The following TBATA variants were observed in gnomAD, a reference collection of about 807,000 sequenced individuals.
TBATA encodes the protein thymus, brain and testes associated, also known as protein TBATA.
Under a neutral mutation model 38.7 loss-of-function variants are expected in TBATA, and 47 were observed. The ratio of observed to expected loss-of-function variants is 1.21; its 90% CI spans 0.96 to 1.55. The LOEUF is 1.55. TBATA is among the 40% of genes most tolerant of loss of function. TBATA has a pLI of 0.00. For synonymous variants in TBATA, 183 were observed against 170.5 expected (o/e 1.07, Z -0.57); for missense variants, 436 against 435.6 (o/e 1.00, Z -0.01).
chr10:70,783,333 CCT>C lies in TBATA; in HGVS notation c.41+4_41+5del. The stretch of plus-strand genomic sequence containing the variant: ...CAGTCAGCAGGGTGGGCATTTGGAG[CCT>C]CACCTCATCAGTGGATAATCAGCCA... On this transcript the variant is annotated splice_donor_5th_base_variant and intron_variant, in intron 3 of 10. Transcript: ENST00000456372. 6.2e-7 allele frequency: 1 copy of C among 1,614,184 alleles called. No individual in the cohort carries two copies. The highest frequency in any genetic ancestry group is 8.5e-7 in the Non-Finnish European group (1 of 1,179,992).
At chr10:70,772,224 T>G in intron 10 of TBATA, 4 of 609,446 alleles carry the variant, frequency 6.6e-6, no homozygotes, top group Non-Finnish European at 6.3e-6. Context: ...CTGTCTCCAC[T>G]CCTCCCCAGG....
intron 7 of TBATA, 86 bp from the exon 8 acceptor site, chr10:70,775,356 C>A (rs1843261760): frequency 8.2e-7 from 1 of 1,225,226 alleles, no homozygotes; most frequent in East Asian, 2.4e-5. Context: ...CCAAGGAGAC[C>A]CTTCCCCCAA....
chr10:70,772,665 G>T (rs1842908720), intron 9 of TBATA, 99 bp from the exon 10 acceptor site: 1 of 1,245,476 alleles, frequency 8.0e-7, no homozygotes, highest in Non-Finnish European at 1.2e-6. Flanking sequence ...TGGTGCAGGT[G>T]CAGTCAGCTG....
intron 9 of TBATA, among the ~76,000 whole-genome samples, chr10:70,773,464 G>GGCC (rs1437617055): frequency 4.2e-4 from 3 of 7,076 alleles, no homozygotes; most frequent in Admixed American, 3.6e-3. Flanking sequence ...TAAAAATACA[G>GGCC]GCCCCCCCGG....
intron 7 of TBATA, among the ~76,000 whole-genome samples, chr10:70,776,765 C>T (rs976835226): frequency 6.6e-6 from 1 of 152,188 alleles, no homozygotes; most frequent in Non-Finnish European, 1.5e-5. Flanking sequence ...AGGCCCCTCG[C>T]TGAGTGTGGA....
chr10:70,778,124 C>T (rs550338297), intron 6 of TBATA, among the ~76,000 whole-genome samples: 32 of 152,304 alleles, frequency 2.1e-4, no homozygotes, highest in African/African-American at 6.5e-4. Flanking sequence ...TTCCGAGATT[C>T]TCTGCTCCTT....
At chr10:70,778,664 A>G (rs1427203472) in intron 5 of TBATA, 28 bp from the exon 6 acceptor site, 2 of 1,609,514 alleles carry the variant, frequency 1.2e-6, no homozygotes, top group Non-Finnish European at 1.7e-6. Context: ...GGTCCTGCCA[A>G]CTGAAGTCAG....
intron 4 of TBATA, 79 bp from the exon 5 acceptor site, chr10:70,779,821 G>A: frequency 7.0e-7 from 1 of 1,420,474 alleles, no homozygotes; most frequent in East Asian, 2.8e-5. Flanking sequence ...GAGGCTGAGA[G>A]GCAGGGTGAT....
rs1843719706 is a variant in TBATA at position 70,778,550 on chromosome 10, C to T, written c.507+7G>A. 6.2e-7 allele frequency: 1 copy of T among 1,613,870 alleles called. No individual in the cohort carries two copies. Among genetic ancestry groups the T allele is most frequent in the East Asian group, 2.2e-5 (1 of 44,876 alleles). ...TTCCCAGACTAGCTCCTGTGTTCCG[C>T]ACCCACCTCTTTCTTCTTCAGTTCA... On this transcript the variant is annotated splice_region_variant and intron_variant, in intron 6 of 10. Coordinates refer to ENST00000456372, the MANE Select transcript of TBATA (RefSeq NM_001318241.2).
intron 3 of TBATA, 129 bp from the exon 4 acceptor site, chr10:70,782,165 A>G (rs1052323800): frequency 8.0e-6 from 10 of 1,246,904 alleles, no homozygotes; most frequent in Non-Finnish European, 1.1e-5. Context: ...CCTGGGTTTC[A>G]CCACCACCCC....
chr10:70,773,950 C>G (rs926948186), intron 9 of TBATA, among the ~76,000 whole-genome samples: 2 of 152,252 alleles, frequency 1.3e-5, no homozygotes, highest in African/African-American at 4.8e-5. Context: ...GCTAATCCAG[C>G]CTTATCTGGT....
chr10:70,778,078 G>A (rs1843655989), intron 6 of TBATA, among the ~76,000 whole-genome samples: 1 of 152,118 alleles, frequency 6.6e-6, no homozygotes, highest in Non-Finnish European at 1.5e-5. Flanking sequence ...TCATCAAATG[G>A]CACCCATGGG....
chr10:70,781,815 A>G lies in TBATA; in HGVS notation c.263T>C (p.Val88Ala). The G allele has an allele frequency of 6.2e-7, 1 of 1,613,978 alleles. No individual in the cohort carries two copies. Among genetic ancestry groups the G allele is most frequent in the Non-Finnish European group, 8.5e-7 (1 of 1,179,852 alleles). ...FSRHHPHPQH[V>A]THIQDLTGKP... ...CCAGGCCCTACCTTGGATGTGGGTC[A>G]CGTGCTGGGGGTGTGGGTGGTGCCG... is the stretch of plus-strand genomic sequence containing the variant. Residue 88 changes from valine to alanine, a missense_variant, in exon 4 of 11, where the codon GTG (valine) becomes GCG (alanine). Transcript: ENST00000456372.
In TBATA at chr10:70,782,717, C is replaced by T. The variant is rs574682174; in HGVS notation, c.41+622G>A. The T allele has an allele frequency of 2.8e-5, 25 of 893,526 alleles. No individual in the cohort carries two copies. In the African/African-American group the frequency reaches 4.3e-4, roughly 15 times the overall value. 55.3% of individuals were successfully genotyped at this position (893,526 alleles called of 1,614,324 possible). On this transcript the variant is annotated intron_variant, in intron 3 of 10. Coordinates refer to ENST00000456372, the MANE Select transcript of TBATA (RefSeq NM_001318241.2). ...CTCTCTCCTCTACCCCACACCCCTCCCCTTCCTGAGGACGCTATGCATCTG... is the reference window on the plus strand; with the variant it reads ...CTCTCTCCTCTACCCCACACCCCTCTCCTTCCTGAGGACGCTATGCATCTG...
Position 70,774,311 on chromosome 10 carries a change from G to T in TBATA, c.822C>A (p.Leu274=). ...GGATGGAGACTAGGGGCTGGGGAAG[G>T]AGCTGAGCCACTGCTGTCTGCAGGA... ...LGLLQTAVAQ[L]LPQPLVSIPT... The change falls in exon 9 of 11, where the codon CTC becomes CTA. Residue 274 remains leucine (L), a synonymous_variant. Coordinates refer to ENST00000456372, the MANE Select transcript of TBATA (RefSeq NM_001318241.2). The T allele has an allele frequency of 1.2e-6, 2 of 1,607,358 alleles. No homozygotes were observed. Among genetic ancestry groups the T allele is most frequent in the Non-Finnish European group, 1.7e-6 (2 of 1,177,660 alleles).
Position 70,775,170 on chromosome 10 carries a change from T to A in TBATA, c.775+19A>T. 1.2e-6 allele frequency: 2 copies of A among 1,606,798 alleles called. No homozygotes were observed. The highest frequency in any genetic ancestry group is 1.7e-6 in the Non-Finnish European group (2 of 1,173,792). On this transcript the variant is annotated intron_variant, in intron 8 of 10. Transcript: ENST00000456372. ...TTGGCAGCCTCCACTGAGACAGTGC[T>A]GCGGGGCTGTGTCCTCACCCTTGGG... is the stretch of plus-strand genomic sequence containing the variant.
intron 4 of TBATA, among the ~76,000 whole-genome samples, chr10:70,780,824 C>A (rs118008781): frequency 1.3e-5 from 2 of 152,282 alleles, no homozygotes; most frequent in East Asian, 3.9e-4. Context: ...CTCTCACACT[C>A]CACTTTTAAT....
chr10:70,776,990 C>G (rs1843486015), intron 7 of TBATA, among the ~76,000 whole-genome samples, 163 bp downstream of exon 7: 1 of 152,108 alleles, frequency 6.6e-6, no homozygotes, highest in Admixed American at 6.5e-5. Context: ...AACCTAGAGG[C>G]AGCAGGGGGT....
Position 70,773,593 on chromosome 10 carries a change from C to T in TBATA, c.920+620G>A, listed in dbSNP as rs570035556. ...GTCGGGTCCAAGACTGAATCCCAGC[C>T]CTTCTGCCGACCAGTCAGGTTACTT... On this transcript the variant is annotated intron_variant, in intron 9 of 10. Coordinates refer to ENST00000456372, the MANE Select transcript of TBATA (RefSeq NM_001318241.2). 2.0e-5 allele frequency among the ~76,000 whole-genome samples: 3 copies of T among 152,268 alleles called. No individual in the cohort carries two copies. In the East Asian group the frequency reaches 5.8e-4, roughly 29 times the overall value.
Sources: allele counts gnomAD v4.1 joint callset (sites outside exome capture counted in the v4.1 genomes callset), GRCh38; gene constraint gnomAD v4.1.1; transcripts MANE v1.5; gene names NCBI Gene and HGNC (gene_info 2026-07-23, HGNC 2026-07-21).